CDH4: variants seen among roughly 807,000 people sequenced by gnomAD.
The protein encoded by CDH4 is cadherin 4.
CDH4 carries 33 observed loss-of-function variants against 86.0 expected under a neutral mutation model. The observed-to-expected ratio is 0.38, with a 90% confidence interval of 0.29 to 0.51. The LOEUF is 0.51. Among genes scored for constraint, CDH4 ranks in the 20% least tolerant of loss-of-function variants. The pLI is 0.86. For missense variants in CDH4, 1,114 were observed against 1,307.4 expected, an observed-to-expected ratio of 0.85 and a Z score of 2.28; for synonymous variants, 555 against 549.4, an observed-to-expected ratio of 1.01 and a Z score of -0.14.
At chr20:61,659,159 G>A (rs1037237946) in intron 2 of CDH4, among the ~76,000 whole-genome samples, 3 of 152,186 alleles carry the variant, frequency 2.0e-5, no homozygotes, top group African/African-American at 7.2e-5. Flanking sequence ...ACAGGAAGGA[G>A]GGCCTGGGAC....
In CDH4 at chr20:61,516,951, T is replaced by C. The variant is rs1210452239; in HGVS notation, c.170-226612T>C. 6.6e-6 allele frequency among the ~76,000 whole-genome samples: 1 copy of C among 152,172 alleles called. No individual in the cohort carries two copies. The highest frequency in any genetic ancestry group is 1.9e-4 in the East Asian group (1 of 5,166). ...CCTGTGTTTGTAACATGGGGTGTTT[T>C]CAATGTATTGGGATGTCATGCACGC... On this transcript the variant is annotated intron_variant, in intron 2 of 15. Coordinates refer to ENST00000614565, the MANE Select transcript of CDH4 (RefSeq NM_001794.5). This position sits in a 1 kb window ranked among gnomAD's most constrained non-coding sequence, Gnocchi z 4.0.
intron 4 of CDH4, among the ~76,000 whole-genome samples, chr20:61,822,805 G>A (rs931150378): frequency 1.3e-5 from 2 of 152,204 alleles, no homozygotes; most frequent in East Asian, 1.9e-4. Context: ...CCTAATGGAC[G>A]AGGGCTGCCT....
chr20:61,680,002 C>G (rs983654425), intron 2 of CDH4, among the ~76,000 whole-genome samples: 1 of 152,146 alleles, frequency 6.6e-6, no homozygotes, highest in Non-Finnish European at 1.5e-5. Flanking sequence ...GCTTGCAGCC[C>G]CCAGGAAGCT....
rs895735523 is a variant in CDH4, at chr20:61,807,120, G to A, written c.576+33938G>A. On this transcript the variant is annotated intron_variant, in intron 4 of 15. Transcript: ENST00000614565. This position sits in a 1 kb window ranked among gnomAD's most constrained non-coding sequence, Gnocchi z 4.5. ...TGAGCTCCCAGGGCCCCGCAGCCCC[G>A]CCAGCCCCCAGCTGCAAGGCCAGTG... Among the ~76,000 whole-genome samples the A allele has an allele frequency of 4.6e-5, 7 of 152,220 alleles. No homozygotes were observed. The highest frequency in any genetic ancestry group is 1.9e-4 in the East Asian group (1 of 5,186).
In CDH4 at chr20:61,928,679, C is replaced by G. The variant is rs374969433; in HGVS notation, c.2005+256C>G. ...GCCGTGAACATCCTTGCAGCTCTGC[C>G]CATGTACATCCATGACAACTTCCTG... On this transcript the variant is annotated intron_variant, in intron 12 of 15. Coordinates refer to ENST00000614565, the MANE Select transcript of CDH4 (RefSeq NM_001794.5). Among the ~76,000 whole-genome samples the G allele has an allele frequency of 3.3e-5, 5 of 152,332 alleles. No individual in the cohort carries two copies. The East Asian group carries it at 5.8e-4, about 18-fold the overall frequency.
At chr20:61,802,859 G>A (rs114161043) in intron 4 of CDH4, among the ~76,000 whole-genome samples, 1,656 of 152,332 alleles carry the variant, frequency 0.011, 25 homozygotes, top group African/African-American at 0.038. Flanking sequence ...TGCATGCAGC[G>A]TTCCTCCCCG....
chr20:61,908,535 G>T (rs756224270), intron 8 of CDH4, among the ~76,000 whole-genome samples: 1 of 152,134 alleles, frequency 6.6e-6, no homozygotes, highest in Non-Finnish European at 1.5e-5. Flanking sequence ...CCGCTGCCTC[G>T]GGGCCTCTGT....
At chr20:61,685,698 C>T (rs190996022) in intron 2 of CDH4, among the ~76,000 whole-genome samples, 45 of 152,376 alleles carry the variant, frequency 3.0e-4, no homozygotes, top group African/African-American at 9.4e-4. Context: ...TCCTCAGACC[C>T]CTTCCCGCTG....
intron 2 of CDH4, among the ~76,000 whole-genome samples, chr20:61,530,712 C>T (rs1347168288): frequency 6.6e-6 from 1 of 152,028 alleles, no homozygotes; most frequent in Non-Finnish European, 1.5e-5. Flanking sequence ...GATCTGTTAC[C>T]CTAAACCGTG....
In CDH4 at chr20:61,810,077, A is replaced by T. The variant is rs1980353885; in HGVS notation, c.577-34591A>T. On this transcript the variant is annotated intron_variant, in intron 4 of 15. Coordinates refer to ENST00000614565, the MANE Select transcript of CDH4 (RefSeq NM_001794.5). This position sits in a 1 kb window ranked among gnomAD's most constrained non-coding sequence, Gnocchi z 4.3. Reference sequence around the variant, plus strand: ...CCAACCACAAGTGTGTTTCTCACACATCCAGAGGTTTGGCTAGCGTTGGTC... The same window carrying T: ...CCAACCACAAGTGTGTTTCTCACACTTCCAGAGGTTTGGCTAGCGTTGGTC... 6.6e-6 allele frequency among the ~76,000 whole-genome samples: 1 copy of T among 152,212 alleles called. No homozygotes were observed. Among genetic ancestry groups the T allele is most frequent in the African/African-American group, 2.4e-5 (1 of 41,452 alleles).
chr20:61,664,789 T>A (rs2087304701), intron 2 of CDH4, among the ~76,000 whole-genome samples: 1 of 152,224 alleles, frequency 6.6e-6, no homozygotes, highest in South Asian at 2.1e-4. Context: ...GTCTGCCTGC[T>A]GAGAAATCAG....
intron 4 of CDH4, among the ~76,000 whole-genome samples, chr20:61,825,462 T>C (rs1981263848): frequency 6.6e-6 from 1 of 152,122 alleles, no homozygotes; most frequent in Non-Finnish European, 1.5e-5. Context: ...CTCTAGCTCT[T>C]GCCCCAACAC....
intron 4 of CDH4, among the ~76,000 whole-genome samples, chr20:61,797,344 G>C (rs529434508): frequency 6.6e-6 from 1 of 152,368 alleles, no homozygotes; most frequent in Non-Finnish European, 1.5e-5. Flanking sequence ...GTGGGGACGA[G>C]CAGGAAAGAG....
rs79333268 is a variant in CDH4 at position 61,883,315 on chromosome 20, C to T, written c.1050+9415C>T. Among the ~76,000 whole-genome samples the T allele has an allele frequency of 5.1e-3, 782 of 152,310 alleles. 3 individuals carry two copies. The highest frequency in any genetic ancestry group is 8.9e-3 in the Non-Finnish European group (608 of 68,028). On this transcript the variant is annotated intron_variant, in intron 7 of 15. Coordinates refer to ENST00000614565, the MANE Select transcript of CDH4 (RefSeq NM_001794.5). Reference sequence around the variant, plus strand: ...TCCCCAGCTGATATGATACTCTTTGCTATTTGCTGTCGGTCTCCTCCCCTA... The same window carrying T: ...TCCCCAGCTGATATGATACTCTTTGTTATTTGCTGTCGGTCTCCTCCCCTA...
chr20:61,520,511 G>C (rs924289194), intron 2 of CDH4, among the ~76,000 whole-genome samples: 4 of 152,222 alleles, frequency 2.6e-5, no homozygotes, highest in Admixed American at 1.3e-4. Flanking sequence ...TGTCTGTCAG[G>C]CCAGCGCTTA....
chr20:61,845,491 G>T (rs1982405969), intron 5 of CDH4, among the ~76,000 whole-genome samples: 1 of 152,232 alleles, frequency 6.6e-6, no homozygotes, highest in South Asian at 2.1e-4. Context: ...GAAAGCAGTG[G>T]GGAGTGCACA....
chr20:61,851,665 G>A (rs1412163774), intron 5 of CDH4, among the ~76,000 whole-genome samples: 1 of 152,202 alleles, frequency 6.6e-6, no homozygotes, highest in African/African-American at 2.4e-5. Flanking sequence ...TGGGTGGAGA[G>A]GCCTCGGATG....
chr20:61,259,773 A>G (rs1440136831), intron 2 of CDH4, among the ~76,000 whole-genome samples: 1 of 152,200 alleles, frequency 6.6e-6, no homozygotes, highest in Non-Finnish European at 1.5e-5. Flanking sequence ...CAATGTGGCA[A>G]TGTGGCTTCT....
Position 61,910,403 on chromosome 20 carries a change from C to A in CDH4, c.1189-19C>A, listed in dbSNP as rs1267035873. 8 of 1,608,982 alleles carry A rather than the reference C, an allele frequency of 5.0e-6. No individual in the cohort carries two copies. Among genetic ancestry groups the A allele is most frequent in the Non-Finnish European group, 4.3e-6 (5 of 1,175,868 alleles). ...ACACTTAACACGGGTTTGTGACATT[C>A]TTTCCTTCCATTTTGCAGTTTGCAG... is the stretch of plus-strand genomic sequence containing the variant. On this transcript the variant is annotated intron_variant, in intron 8 of 15. Transcript: ENST00000614565.
Sources: allele counts gnomAD v4.1 joint callset (sites outside exome capture counted in the v4.1 genomes callset), GRCh38; gene constraint gnomAD v4.1.1; non-coding constraint Gnocchi (gnomAD v3.1); transcripts MANE v1.5; gene names NCBI Gene and HGNC (gene_info 2026-07-23, HGNC 2026-07-21).